DCHS2: variants seen among roughly 807,000 people sequenced by gnomAD.
DCHS2 encodes dachsous cadherin-related 2.
A neutral mutation model predicts 182.4 loss-of-function variants in DCHS2; 142 were observed. The observed-to-expected ratio is 0.78, with a 90% CI of 0.68 to 0.89. The LOEUF (loss-of-function observed/expected upper bound fraction) is 0.89, where lower values mean the gene tolerates loss of function less well. Ranked by LOEUF, DCHS2 falls within the 40% of genes least tolerant of loss-of-function variation. The pLI is 0.00. For synonymous variants in DCHS2, 1,740 were observed against 1,663.3 expected, an observed-to-expected ratio of 1.05 and a Z score of -1.12; for missense variants, 4,319 against 4,198.6, an observed-to-expected ratio of 1.03 and a Z score of -0.79.
chr4:154,368,198 T>C (rs2110777820), intron 2 of DCHS2, among the ~76,000 whole-genome samples: 1 of 152,262 alleles, frequency 6.6e-6, no homozygotes, highest in South Asian at 2.1e-4. Context: ...TTCGACGTAG[T>C]AAGAGGGGAC....
intron 1 of DCHS2, among the ~76,000 whole-genome samples, chr4:154,395,436 A>C (rs1383621500): frequency 1.3e-5 from 2 of 152,096 alleles, no homozygotes; most frequent in Non-Finnish European, 1.5e-5. Flanking sequence ...TTAAATCTTT[A>C]AAAAATACTT....
chr4:154,361,879 A>G (rs1018986961), intron 3 of DCHS2, among the ~76,000 whole-genome samples: 1 of 152,012 alleles, frequency 6.6e-6, no homozygotes, highest in African/African-American at 2.4e-5. Flanking sequence ...CTTCAGGAAA[A>G]CACAAGCCTA....
intron 1 of DCHS2, among the ~76,000 whole-genome samples, chr4:154,402,374 T>C (rs939502748): frequency 2.6e-5 from 4 of 152,224 alleles, no homozygotes. Flanking sequence ...TATTACCATA[T>C]AGATTTTAGA....
intron 1 of DCHS2, among the ~76,000 whole-genome samples, chr4:154,405,372 T>A (rs1732356081): frequency 1.3e-5 from 2 of 151,676 alleles, no homozygotes; most frequent in Admixed American, 1.3e-4. Context: ...TGTTTGGGAT[T>A]TGCTAATGTT....
Position 154,490,886 on chromosome 4 carries a change from A to G in DCHS2, c.470T>C (p.Val157Ala). The change falls in exon 1 of 20, where the codon GTC becomes GCC. Residue 157 changes from valine to alanine, a missense_variant. Physicochemically the swap from Val to Ala is moderately conservative, Grantham distance 64. Transcript: ENST00000357232. The part of the protein sequence containing the change: ...LGAVVQVEIR[V>A]NDVNDHSPRF... ...GGGCGAGTGGTCATTCACGTCGTTG[A>G]CGCGAATCTCCACCTGCACCACAGC... The G allele has an allele frequency of 1.3e-6, 2 of 1,551,376 alleles. No homozygotes were observed. The highest frequency in any genetic ancestry group is 1.7e-6 in the Non-Finnish European group (2 of 1,146,902).
chr4:154,236,583 T>C lies in DCHS2; in HGVS notation c.8069A>G (p.Asn2690Ser), dbSNP rs1172267361. 1.2e-6 allele frequency: 2 copies of C among 1,614,044 alleles called. No homozygotes were observed. The highest frequency in any genetic ancestry group is 4.5e-5 in the East Asian group (2 of 44,874). The change falls in exon 20 of 20, where the codon AAT (asparagine) becomes AGT (serine). Residue 2690 changes from asparagine to serine, a missense_variant. Physicochemically the swap from Asn to Ser is conservative, Grantham distance 46. Transcript: ENST00000357232. ...TGCATGTGACCCTGTGTCACGGTCA[T>C]TTGCTGAGACCACAGTGATGTGACT... Reference protein sequence around the residue: ...LGSHITVVSANDRDTGSHAEI... With the variant: ...LGSHITVVSASDRDTGSHAEI...
At chr4:154,357,368 CA>C (rs1561065211) in intron 3 of DCHS2, 1 of 1,318,092 alleles carries the variant, frequency 7.6e-7, no homozygotes, top group Admixed American at 1.8e-5. Context: ...CAGGGAAAAG[CA>C]AAAAGAAAAA....
chr4:154,244,970 T>A (rs913319415), intron 16 of DCHS2, among the ~76,000 whole-genome samples: 4 of 152,156 alleles, frequency 2.6e-5, no homozygotes, highest in Admixed American at 6.5e-5. Flanking sequence ...TTCTATCAAC[T>A]CTTCTACTGT....
chr4:154,438,885 T>C (rs1255423938), intron 1 of DCHS2, among the ~76,000 whole-genome samples: 1 of 152,200 alleles, frequency 6.6e-6, no homozygotes, highest in Non-Finnish European at 1.5e-5. Context: ...AAACCCTCAC[T>C]CTTCCCACCA....
intron 1 of DCHS2, among the ~76,000 whole-genome samples, chr4:154,484,118 T>A (rs1021422965): frequency 6.6e-6 from 1 of 152,232 alleles, no homozygotes; most frequent in Admixed American, 6.5e-5. Flanking sequence ...AACATGGTGT[T>A]ATTTTTTACT....
At chr4:154,314,026 T>C (rs571953755) in intron 10 of DCHS2, among the ~76,000 whole-genome samples, 1 of 152,280 alleles carries the variant, frequency 6.6e-6, no homozygotes, top group East Asian at 1.9e-4. Flanking sequence ...CTTTGGTTAA[T>C]ATATGCAAAT....
At chr4:154,295,575 T>C (rs186240872) in intron 13 of DCHS2, among the ~76,000 whole-genome samples, 2 of 152,344 alleles carry the variant, frequency 1.3e-5, no homozygotes, top group East Asian at 3.9e-4. Context: ...CACTAGTTCA[T>C]TGTTGTAATA....
chr4:154,368,552 T>G (rs184221221), intron 2 of DCHS2, among the ~76,000 whole-genome samples: 153 of 151,954 alleles, frequency 1.0e-3, no homozygotes, highest in Non-Finnish European at 1.7e-3. Context: ...GTTTCTCTGT[T>G]GTTGCCCAGG....
At chr4:154,482,587 G>A (rs1735963161) in intron 1 of DCHS2, among the ~76,000 whole-genome samples, 1 of 152,190 alleles carries the variant, frequency 6.6e-6, no homozygotes, top group African/African-American at 2.4e-5. Flanking sequence ...CACATACTTA[G>A]TTTTTAAATA....
chr4:154,390,112 T>G (rs1170539217), intron 1 of DCHS2, among the ~76,000 whole-genome samples: 4 of 151,742 alleles, frequency 2.6e-5, no homozygotes, highest in Admixed American at 6.6e-5. Flanking sequence ...AATTTTTTTA[T>G]TTTTTTTCTT....
At chr4:154,347,882 T>C (rs1729433330) in intron 3 of DCHS2, among the ~76,000 whole-genome samples, 1 of 151,886 alleles carries the variant, frequency 6.6e-6, no homozygotes. Context: ...GTCTAGCCCC[T>C]TTACTTAAAT....
chr4:154,249,864 A>G (rs1732267882), intron 16 of DCHS2, among the ~76,000 whole-genome samples: 1 of 142,556 alleles, frequency 7.0e-6, no homozygotes, highest in Admixed American at 6.9e-5. Flanking sequence ...GGACATAAAC[A>G]TGGGAATAAT....
At chr4:154,458,257 T>C (rs78497850) in intron 1 of DCHS2, among the ~76,000 whole-genome samples, 27,508 of 152,178 alleles carry the variant, frequency 0.18, 3,077 homozygotes, top group Non-Finnish European at 0.26. Flanking sequence ...TAAATAAAAT[T>C]CTATAACTGT....
chr4:154,291,447 A>G (rs1195917053), intron 13 of DCHS2, among the ~76,000 whole-genome samples: 1 of 152,210 alleles, frequency 6.6e-6, no homozygotes, highest in Non-Finnish European at 1.5e-5. Context: ...CTGTTAGGTT[A>G]TATACTTAAA....
Sources: gnomAD v4.1 joint callset for allele counts (sites outside exome capture counted in the v4.1 genomes callset) on GRCh38, gnomAD v4.1.1 for gene constraint, MANE v1.5 for transcripts, NCBI Gene and HGNC (gene_info 2026-07-23, HGNC 2026-07-21) for gene names.